The following RHOQ variants were observed in gnomAD, a reference collection of about 807,000 sequenced individuals.
RHOQ encodes rho-related GTP-binding protein RhoQ.
A neutral mutation model predicts 25.8 loss-of-function variants in RHOQ; 7 were observed. The ratio of observed to expected loss-of-function variants is 0.27; its 90% CI spans 0.15 to 0.51. The LOEUF (loss-of-function observed/expected upper bound fraction) is 0.51, where lower values mean the gene tolerates loss of function less well. RHOQ is among the 20% of genes least tolerant of loss of function. RHOQ has a pLI of 0.97. For missense variants in RHOQ, 165 were observed against 260.6 expected, an observed-to-expected ratio of 0.63 and a Z score of 2.53; for synonymous variants, 97 against 98.6, an observed-to-expected ratio of 0.98 and a Z score of 0.10.
At position 46,576,315 on chromosome 2, in the gene RHOQ, TCAGA is replaced by T. The variant is rs1210037610; in HGVS notation, c.366+67_366+70del. 8.8e-6 allele frequency: 12 copies of T among 1,358,922 alleles called. No homozygotes were observed. The highest frequency in any genetic ancestry group is 4.6e-5 in the East Asian group (2 of 43,364). 84.2% of individuals were successfully genotyped at this position (1,358,922 alleles called of 1,614,324 possible). On this transcript the variant is annotated intron_variant, in intron 3 of 4. Transcript: ENST00000238738. The surrounding 1 kb of genome is among the most constrained non-coding windows in gnomAD (Gnocchi z 5.1). ...CTTTGGTCTGTCGTAGAGGCTGCTC[TCAGA>T]CAAACAGTCCCAAAGCTGAGCAAAT...
chr2:46,552,460 GCCTTT>G lies in RHOQ; in HGVS notation c.201+8655_201+8659del, dbSNP rs1285466852. On this transcript the variant is annotated intron_variant, in intron 2 of 4. Transcript: ENST00000238738. The surrounding 1 kb of genome is among the most constrained non-coding windows in gnomAD (Gnocchi z 5.0). The stretch of plus-strand genomic sequence containing the variant: ...TTGTGTCCCATGGGGGCTACCTCAG[GCCTTT>G]CCTTTCTCCCTTCAAGGATTTTCTT... Among the ~76,000 whole-genome samples, 1 of 152,218 alleles carries G rather than the reference GCCTTT, an allele frequency of 6.6e-6. No individual in the cohort carries two copies. The highest frequency in any genetic ancestry group is 1.5e-5 in the Non-Finnish European group (1 of 68,050).
At chr2:46,560,606 T>C (rs1010388451) in intron 2 of RHOQ, 8 of 456,138 alleles carry the variant, frequency 1.8e-5, no homozygotes, top group Non-Finnish European at 3.1e-5. Flanking sequence ...ACGTTTTCCT[T>C]CCATACGAGA....
Position 46,576,065 on chromosome 2 carries a change from G to A in RHOQ, c.202-22G>A. ...AACAATAGAAATGTAAATACATAAT[G>A]AGGCTTTTCTTTGTTCCTCAGGAAG... On this transcript the variant is annotated intron_variant, in intron 2 of 4. Coordinates refer to ENST00000238738, the MANE Select transcript of RHOQ (RefSeq NM_012249.4). The surrounding 1 kb of genome is among the most constrained non-coding windows in gnomAD (Gnocchi z 5.1). The A allele has an allele frequency of 1.3e-6, 2 of 1,572,160 alleles. No individual in the cohort carries two copies. The highest frequency in any genetic ancestry group is 1.7e-6 in the Non-Finnish European group (2 of 1,163,054).
chr2:46,582,519 G>A lies in RHOQ; in HGVS notation c.*1436G>A, dbSNP rs1669431430. 6.6e-6 allele frequency: 1 copy of A among 152,268 alleles called. No individual in the cohort carries two copies. Among genetic ancestry groups the A allele is most frequent in the South Asian group, 2.1e-4 (1 of 4,832 alleles). 9.4% of individuals were successfully genotyped at this position (152,268 alleles called of 1,614,324 possible). A position where few individuals can be genotyped will look rare whatever the true frequency, so the allele number is the denominator to read the frequency against. ...GATAATGGATGCATCAGATAATGGTGTTAGACAAAGCTTCATTGTGAACAA... is the reference window on the plus strand; with the variant it reads ...GATAATGGATGCATCAGATAATGGTATTAGACAAAGCTTCATTGTGAACAA... On this transcript the variant is annotated 3_prime_UTR_variant, in exon 5 of 5. Transcript: ENST00000238738.
rs1668855265 is a variant in RHOQ, at chr2:46,569,838, C to G, written c.202-6249C>G. On this transcript the variant is annotated intron_variant, in intron 2 of 4. Transcript: ENST00000238738. The surrounding 1 kb of genome is among the most constrained non-coding windows in gnomAD (Gnocchi z 4.1). Reference sequence around the variant, plus strand: ...GAAAATTAAAAAAGAAAAGAAAACACCAGATGTTTGCAAAGTTTTTGAAAA... The same window carrying G: ...GAAAATTAAAAAAGAAAAGAAAACAGCAGATGTTTGCAAAGTTTTTGAAAA... Among the ~76,000 whole-genome samples, 1 of 152,070 alleles carries G rather than the reference C, an allele frequency of 6.6e-6. No homozygotes were observed. Among genetic ancestry groups the G allele is most frequent in the Admixed American group, 6.6e-5 (1 of 15,258 alleles).
chr2:46,560,896 G>A (rs548313455), intron 2 of RHOQ, among the ~76,000 whole-genome samples: 14 of 151,952 alleles, frequency 9.2e-5, no homozygotes, highest in African/African-American at 2.7e-4. Context: ...AATATAAACC[G>A]TATTACAGAT....
intron 1 of RHOQ, chr2:46,543,500 A>G: frequency 1.7e-6 from 1 of 599,884 alleles, no homozygotes; most frequent in Non-Finnish European, 3.0e-6. Context: ...CGGGGGAAAT[A>G]TTCGAGGGGA....
intron 2 of RHOQ, chr2:46,560,765 C>A: frequency 6.8e-6 from 2 of 296,114 alleles, no homozygotes; most frequent in South Asian, 2.7e-5. Context: ...TAGACCATGA[C>A]TTTTCAGTTA....
intron 2 of RHOQ, among the ~76,000 whole-genome samples, chr2:46,546,567 G>A (rs971869876): frequency 7.5e-6 from 1 of 133,230 alleles, no homozygotes; most frequent in East Asian, 2.2e-4. Flanking sequence ...AGCAGAGAAA[G>A]GTCCATGGGC....
Position 46,551,268 on chromosome 2 carries a change from T to C in RHOQ, c.201+7456T>C, listed in dbSNP as rs145163793. On this transcript the variant is annotated intron_variant, in intron 2 of 4. Transcript: ENST00000238738. ...GGCCTGGGACAAGCCATGGCTCAGG[T>C]TGTCCTAGCTTGAGCAGTCTCACCT... Among the ~76,000 whole-genome samples the C allele has an allele frequency of 1.2e-3, 190 of 152,308 alleles. 2 individuals are homozygous for C. In the East Asian group the frequency reaches 0.028, roughly 23 times the overall value.
At chr2:46,554,671 T>C (rs565564936) in intron 2 of RHOQ, among the ~76,000 whole-genome samples, 1 of 152,264 alleles carries the variant, frequency 6.6e-6, no homozygotes, top group African/African-American at 2.4e-5. Context: ...GCTGTGTTAC[T>C]CAAACACCCA....
In RHOQ at chr2:46,556,214, A is replaced by C. The variant is rs920945587; in HGVS notation, c.201+12402A>C. Among the ~76,000 whole-genome samples the C allele has an allele frequency of 6.6e-6, 1 of 152,208 alleles. No homozygotes were observed. The highest frequency in any genetic ancestry group is 2.4e-5 in the African/African-American group (1 of 41,436). The stretch of plus-strand genomic sequence containing the variant: ...CTTAGCATAACGTTTTCTAAGGTTC[A>C]TCCATGTTGTAGAAGGTATCAACAT... On this transcript the variant is annotated intron_variant, in intron 2 of 4. Transcript: ENST00000238738. The surrounding 1 kb of genome is among the most constrained non-coding windows in gnomAD (Gnocchi z 4.9).
intron 2 of RHOQ, among the ~76,000 whole-genome samples, chr2:46,546,610 C>T (rs1668078481): frequency 6.8e-6 from 1 of 147,382 alleles, no homozygotes; most frequent in Non-Finnish European, 1.5e-5. Context: ...CTCAGATCTC[C>T]ACCTTAGCTA....
intron 2 of RHOQ, among the ~76,000 whole-genome samples, chr2:46,565,313 C>G (rs1471429578): frequency 6.6e-6 from 1 of 151,846 alleles, no homozygotes; most frequent in Non-Finnish European, 1.5e-5. Context: ...TGCACTGAAT[C>G]AGAGTTTTCG....
rs528226094 is a variant in RHOQ, at chr2:46,561,175, G to GTA, written c.202-14902_202-14901dup. Among the ~76,000 whole-genome samples the GTA allele has an allele frequency of 4.9e-3, 743 of 151,552 alleles. 5 individuals carry two copies. The highest frequency in any genetic ancestry group is 6.9e-3 in the Non-Finnish European group (466 of 67,906). On this transcript the variant is annotated intron_variant, in intron 2 of 4. Transcript: ENST00000238738. Reference sequence around the variant, plus strand: ...ATACACCTTTGATATATATGTGTGTGTATATATATATGTGTATATATGTAC... The same window carrying GTA: ...ATACACCTTTGATATATATGTGTGTGTATATATATATATGTGTATATATGTAC...
intron 2 of RHOQ, among the ~76,000 whole-genome samples, chr2:46,561,001 AACACACACACACACACACAC>A (rs61040858): frequency 1.2e-4 from 17 of 141,344 alleles, no homozygotes; most frequent in African/African-American, 3.4e-4. Flanking sequence ...AGACCCCATA[AACACACACACACACACACAC>A]ACACACACAC....
chr2:46,567,435 C>G (rs996874487), intron 2 of RHOQ, among the ~76,000 whole-genome samples: 71 of 151,638 alleles, frequency 4.7e-4, no homozygotes, highest in African/African-American at 1.5e-3. Flanking sequence ...GTTCTGTCAC[C>G]CAGGCTGGAG....
chr2:46,546,510 A>ATATATATG (rs1668070768), intron 2 of RHOQ, among the ~76,000 whole-genome samples: 1 of 23,144 alleles, frequency 4.3e-5, no homozygotes, highest in Non-Finnish European at 7.9e-5. Flanking sequence ...ATATATATAT[A>ATATATATG]TGTATATACA....
Position 46,553,433 on chromosome 2 carries a change from G to C in RHOQ, c.201+9621G>C, listed in dbSNP as rs570619831. Among the ~76,000 whole-genome samples the C allele has an allele frequency of 2.1e-4, 32 of 152,282 alleles. 1 individual carries two copies. Among genetic ancestry groups the C allele is most frequent in the African/African-American group, 7.7e-4 (32 of 41,558 alleles). ...TGCAATGTGAAATAAGCACATCATGGAGAATAGGGTATCCATCCCCTCAAG... is the reference window on the plus strand; with the variant it reads ...TGCAATGTGAAATAAGCACATCATGCAGAATAGGGTATCCATCCCCTCAAG... On this transcript the variant is annotated intron_variant, in intron 2 of 4. Transcript: ENST00000238738.
Sources: gnomAD v4.1 joint callset for allele counts (sites outside exome capture counted in the v4.1 genomes callset) on GRCh38, gnomAD v4.1.1 for gene constraint, Gnocchi (gnomAD v3.1) non-coding constraint, MANE v1.5 for transcripts, NCBI Gene and HGNC (gene_info 2026-07-23, HGNC 2026-07-21) for gene names.